UPRT: variants seen among roughly 807,000 people sequenced by gnomAD.
The protein encoded by UPRT is RP11-311P8.3.
Under a neutral mutation model 22.6 loss-of-function variants are expected in UPRT, and 5 were observed. The observed-to-expected ratio is 0.22, with a 90% CI of 0.12 to 0.47. The LOEUF (loss-of-function observed/expected upper bound fraction) is 0.47, where lower values mean the gene tolerates loss of function less well. Among genes scored for constraint, UPRT ranks in the 20% least tolerant of loss-of-function variants. The pLI is 0.99. For missense variants in UPRT, 181 were observed against 239.9 expected, an observed-to-expected ratio of 0.75 and a Z score of 1.62; for synonymous variants, 77 against 87.7, an observed-to-expected ratio of 0.88 and a Z score of 0.68.
rs2082622300 is a variant in UPRT, at chrX:75,274,437, G to A, written c.183G>A (p.Pro61=). 1 of 1,209,669 alleles carries A rather than the reference G, an allele frequency of 8.3e-7. No individual in the cohort carries two copies. The highest frequency in any genetic ancestry group is 1.1e-6 in the Non-Finnish European group (1 of 895,111). The change falls in exon 1 of 7, where the codon CCG becomes CCA. Residue 61 remains proline, a synonymous_variant. Transcript: ENST00000373383. ...CGGGGTACGCCCATTCTAGCCTGCC[G>A]GCCGAGCTGGACTCTGGGGCCTGCG... The part of the protein sequence containing the change: ...LLTGYAHSSL[P]AELDSGACGG...
chrX:75,220,807 G>C (rs1304079904), intron 4 of UPRT, among the ~76,000 whole-genome samples: 5 of 111,328 alleles, frequency 4.5e-5, no homozygotes, highest in Non-Finnish European at 3.8e-5. Flanking sequence ...AGTTGTTTTT[G>C]ATCTGTTCAT....
intron 1 of UPRT, among the ~76,000 whole-genome samples, chrX:75,292,572 A>G: frequency 9.0e-6 from 1 of 111,672 alleles, no homozygotes; most frequent in Non-Finnish European, 1.9e-5. Context: ...TACTGAGATA[A>G]TATGTGTTTG....
At chrX:75,301,106 T>C (rs2082742856) in intron 6 of UPRT, 141 bp downstream of exon 6, 3 of 414,386 alleles carry the variant, frequency 7.2e-6, no homozygotes, top group Non-Finnish European at 1.2e-5. Flanking sequence ...TTATAACTTG[T>C]GTTTGTCATC....
At chrX:75,257,003 T>A (rs1045296791) in intron 4 of UPRT, among the ~76,000 whole-genome samples, 2 of 111,461 alleles carry the variant, frequency 1.8e-5, no homozygotes, top group African/African-American at 6.5e-5. Flanking sequence ...GAGGGAACCC[T>A]CCCTATATAA....
intron 1 of UPRT, among the ~76,000 whole-genome samples, chrX:75,156,899 T>A (rs867096878): frequency 6.8e-4 from 68 of 99,583 alleles, no homozygotes; most frequent in Admixed American, 2.1e-3. Context: ...TGGGACAGTC[T>A]CACACACACA....
intron 4 of UPRT, among the ~76,000 whole-genome samples, chrX:75,210,179 C>T (rs2082376634): frequency 9.0e-6 from 1 of 111,531 alleles, no homozygotes; most frequent in South Asian, 3.8e-4. Flanking sequence ...GCAGAAGTTG[C>T]CTGATAATCC....
intron 4 of UPRT, among the ~76,000 whole-genome samples, chrX:75,246,089 G>A (rs2082505018): frequency 9.0e-6 from 1 of 110,961 alleles, no homozygotes; most frequent in African/African-American, 3.3e-5. Flanking sequence ...TAAATTAATT[G>A]TTTTTGATCT....
At position 75,174,774 on chromosome X, in the gene UPRT, G is replaced by C. The variant is rs753674995; in HGVS notation, c.-447+6895G>C. 1.1e-3 allele frequency among the ~76,000 whole-genome samples: 129 copies of C among 112,225 alleles called. No homozygotes were observed. The Middle Eastern group carries it at 0.014, about 12-fold the overall frequency. ...GTTATTTCTTGCAAACTGTCTGAGA[G>C]GCAGATATGGGTTGAAGATCCACAT... is the stretch of plus-strand genomic sequence containing the variant. On this transcript the variant is annotated intron_variant, in intron 4 of 13. Transcript: ENST00000652605.
chrX:75,184,433 A>C (rs1334473459), intron 4 of UPRT, among the ~76,000 whole-genome samples: 1 of 104,566 alleles, frequency 9.6e-6, no homozygotes, highest in Non-Finnish European at 2.0e-5. Flanking sequence ...GTAGCCTTGT[A>C]GTATAGTTTG....
At chrX:75,161,957 G>A (rs2082201203) in intron 2 of UPRT, among the ~76,000 whole-genome samples, 1 of 111,195 alleles carries the variant, frequency 9.0e-6, no homozygotes, top group African/African-American at 3.3e-5. Context: ...ATAATCTTGT[G>A]GGAATTTCGT....
At chrX:75,259,252 A>C (rs781485307) in intron 4 of UPRT, among the ~76,000 whole-genome samples, 2 of 110,925 alleles carry the variant, frequency 1.8e-5, no homozygotes, top group East Asian at 5.8e-4. Flanking sequence ...GCAAGGGAAC[A>C]AAACTGGATG....
In UPRT at chrX:75,285,864, A is replaced by G. The variant is rs186202012; in HGVS notation, c.387-7608A>G. 8.1e-5 allele frequency among the ~76,000 whole-genome samples: 9 copies of G among 111,144 alleles called. No homozygotes were observed. In the East Asian group the frequency reaches 2.5e-3, roughly 31 times the overall value. On this transcript the variant is annotated intron_variant, in intron 1 of 6. Coordinates refer to ENST00000373383, the MANE Select transcript of UPRT (RefSeq NM_145052.4). Reference sequence around the variant, plus strand: ...AGTAACATAATATTATTTTTTTTAAACTTTTTGCTTTTGGTTAAATTTGCT... The same window carrying G: ...AGTAACATAATATTATTTTTTTTAAGCTTTTTGCTTTTGGTTAAATTTGCT...
rs180859554 is a variant in UPRT, at chrX:75,183,353, C to A, written c.-447+15474C>A. On this transcript the variant is annotated intron_variant, in intron 4 of 13. Coordinates refer to the UPRT transcript ENST00000652605. ...CATGTCCCCACAAAGGACATGAACT[C>A]ATCCTTTTTTATGGCTGCATAGTAT... Among the ~76,000 whole-genome samples, 231 of 111,739 alleles carry A rather than the reference C, an allele frequency of 2.1e-3. 2 individuals carry two copies. Among genetic ancestry groups the A allele is most frequent in the Non-Finnish European group, 2.0e-3 (105 of 53,179 alleles).
chrX:75,206,259 A>G (rs1274188349), intron 4 of UPRT, among the ~76,000 whole-genome samples: 1 of 110,962 alleles, frequency 9.0e-6, no homozygotes, highest in Non-Finnish European at 1.9e-5. Flanking sequence ...GAATGTATCT[A>G]CTATTGTTAG....
At chrX:75,235,679 A>G (rs977223031) in intron 4 of UPRT, among the ~76,000 whole-genome samples, 2 of 112,167 alleles carry the variant, frequency 1.8e-5, no homozygotes, top group South Asian at 7.6e-4. Context: ...GCATATAAAC[A>G]GAACCAAAGA....
chrX:75,233,746 G>A (rs976218339), intron 4 of UPRT, among the ~76,000 whole-genome samples: 32 of 110,654 alleles, frequency 2.9e-4, no homozygotes, highest in Non-Finnish European at 5.5e-4. Context: ...GAGAGATTTT[G>A]TCACCACCAG....
intron 4 of UPRT, among the ~76,000 whole-genome samples, chrX:75,173,914 G>A (rs898122826): frequency 5.3e-4 from 59 of 111,845 alleles, no homozygotes; most frequent in Non-Finnish European, 4.5e-4. Context: ...CCAAGCCCAC[G>A]CCTACCCGGA....
chrX:75,234,332 T>C (rs1294336582), intron 4 of UPRT, among the ~76,000 whole-genome samples: 1 of 110,952 alleles, frequency 9.0e-6, no homozygotes, highest in East Asian at 2.8e-4. Context: ...CACACATTAA[T>C]AATGGGAGAC....
intron 4 of UPRT, among the ~76,000 whole-genome samples, chrX:75,194,835 A>G (rs2082328322): frequency 9.0e-6 from 1 of 111,093 alleles, no homozygotes; most frequent in African/African-American, 3.3e-5. Flanking sequence ...GTAGCCGCAC[A>G]GTGCATGGGT....
Sources: allele counts gnomAD v4.1 joint callset (sites outside exome capture counted in the v4.1 genomes callset), GRCh38; gene constraint gnomAD v4.1.1; transcripts MANE v1.5; gene names NCBI Gene and HGNC (gene_info 2026-07-23, HGNC 2026-07-21).